Variants in MAP4 observed in about 807,000 individuals in gnomAD.
MAP4 encodes the protein microtubule associated protein 4, also known as microtubule-associated protein 4.
Under a neutral mutation model 170.2 loss-of-function variants are expected in MAP4, and 76 were observed. The ratio of observed to expected loss-of-function variants is 0.45; its 90% CI spans 0.37 to 0.54. The LOEUF is 0.54. MAP4 is among the 20% of genes least tolerant of loss of function. MAP4 has a pLI of 0.00. For synonymous variants in MAP4, 909 were observed against 994.5 expected (o/e 0.91, Z 1.62); for missense variants, 2,506 against 2,748.0 (o/e 0.91, Z 1.97).
At chr3:47,912,460 TAAAAACAACA>T (rs762770004) in intron 8 of MAP4, 39 bp from the exon 9 acceptor site, 2 of 1,436,538 alleles carry the variant, frequency 1.4e-6, no homozygotes, top group Non-Finnish European at 1.8e-6. Flanking sequence ...TATTGTTTCT[TAAAAACAACA>T]AAAAACAAAC....
At chr3:47,871,135 G>C in intron 14 of MAP4, 30 bp from the exon 15 acceptor site, 4 of 1,610,430 alleles carry the variant, frequency 2.5e-6, no homozygotes, top group Non-Finnish European at 3.4e-6. Context: ...AGATAACACG[G>C]GTTCAGGGAG....
intron 3 of MAP4, among the ~76,000 whole-genome samples, chr3:47,933,962 G>A (rs1272019970): frequency 6.6e-6 from 1 of 152,160 alleles, no homozygotes; most frequent in African/African-American, 2.4e-5. Context: ...TGAATGTGGT[G>A]AAATTGGGTT....
chr3:47,923,573 C>A (rs1431782492), intron 4 of MAP4, among the ~76,000 whole-genome samples: 1 of 149,246 alleles, frequency 6.7e-6, no homozygotes, highest in African/African-American at 2.5e-5. Context: ...CTGGGCAACA[C>A]ACCGAGACCG....
intron 1 of MAP4, among the ~76,000 whole-genome samples, chr3:48,068,098 A>G (rs1043072135): frequency 2.0e-5 from 3 of 151,762 alleles, no homozygotes; most frequent in Non-Finnish European, 4.4e-5. Context: ...AACCCCATCT[A>G]TACAAAAAAT....
At chr3:47,983,890 G>A (rs555946638) in intron 2 of MAP4, among the ~76,000 whole-genome samples, 1 of 152,246 alleles carries the variant, frequency 6.6e-6, no homozygotes, top group East Asian at 1.9e-4. Flanking sequence ...GTTGGCTATT[G>A]GGAACTCTTT....
chr3:47,886,954 T>C (rs2097694332), intron 10 of MAP4, among the ~76,000 whole-genome samples: 1 of 152,240 alleles, frequency 6.6e-6, no homozygotes, highest in Non-Finnish European at 1.5e-5. Context: ...CAAGTAAATC[T>C]TCCTAAAGCT....
In MAP4 at chr3:48,031,455, G is replaced by A. The variant is rs190822057; in HGVS notation, c.-19-32576C>T. Among the ~76,000 whole-genome samples the A allele has an allele frequency of 2.0e-3, 312 of 152,296 alleles. 1 individual carries two copies. Among genetic ancestry groups the A allele is most frequent in the African/African-American group, 7.2e-3 (301 of 41,578 alleles). ...AGTCCCACCTACTTGGGAGGCCGAG[G>A]CAGGAGAATCACTTGAACCCAGGAG... On this transcript the variant is annotated intron_variant, in intron 1 of 18. Transcript: ENST00000360240.
chr3:47,867,002 C>A (rs776744217), intron 17 of MAP4, among the ~76,000 whole-genome samples: 3 of 152,294 alleles, frequency 2.0e-5, no homozygotes, highest in Non-Finnish European at 4.4e-5. Flanking sequence ...AAATCCAAAG[C>A]CTCCCACCCA....
Position 47,914,892 on chromosome 3 carries a change from C to T in MAP4, c.1924G>A (p.Asp642Asn). ...GKKCSLPAEEDSVLEKLGERK... is the reference protein window; with the variant it reads ...GKKCSLPAEENSVLEKLGERK... Reference sequence around the variant, plus strand: ...TCCCCTAGTTTTTCTAACACAGAATCCTCCTCGGCCGGCAAGCTGCACTTT... The same window carrying T: ...TCCCCTAGTTTTTCTAACACAGAATTCTCCTCGGCCGGCAAGCTGCACTTT... The change falls in exon 8 of 21, where the codon GAT becomes AAT. Residue 642 changes from aspartate (D) to asparagine (N), a missense_variant. Coordinates refer to ENST00000683076, the MANE Select transcript of MAP4 (RefSeq NM_001385682.1). 1 of 1,614,176 alleles carries T rather than the reference C, an allele frequency of 6.2e-7. No homozygotes were observed. Among genetic ancestry groups the T allele is most frequent in the African/African-American group, 1.3e-5 (1 of 75,036 alleles).
chr3:48,055,175 A>AGTTCCGTCTCC (rs1553744146), intron 1 of MAP4, among the ~76,000 whole-genome samples: 3 of 139,052 alleles, frequency 2.2e-5, no homozygotes, highest in African/African-American at 8.5e-5. Context: ...TTCTTTAAAA[A>AGTTCCGTCTCC]GTCTCCCTCT....
chr3:47,964,654 G>A (rs2100073767), intron 3 of MAP4, among the ~76,000 whole-genome samples: 1 of 152,066 alleles, frequency 6.6e-6, no homozygotes, highest in Non-Finnish European at 1.5e-5. Flanking sequence ...AACCAATATT[G>A]TATCTGTTCT....
At chr3:47,965,943 A>G (rs992328278) in intron 3 of MAP4, among the ~76,000 whole-genome samples, 2 of 152,172 alleles carry the variant, frequency 1.3e-5, no homozygotes, top group African/African-American at 4.8e-5. Flanking sequence ...CCAAGAAAAC[A>G]CTGCCAAATC....
chr3:47,857,376 C>T (rs2058256675), intron 18 of MAP4, 55 bp downstream of exon 18: 1 of 1,462,734 alleles, frequency 6.8e-7, no homozygotes, highest in Non-Finnish European at 9.6e-7. Context: ...CCCAGCTGAC[C>T]CATGGCAGGA....
chr3:48,075,646 C>T (rs888759623), intron 1 of MAP4, among the ~76,000 whole-genome samples: 1 of 151,894 alleles, frequency 6.6e-6, no homozygotes, highest in Non-Finnish European at 1.5e-5. Flanking sequence ...GGTTCAAGGA[C>T]AACTAGATAT....
chr3:47,892,388 C>T, intron 10 of MAP4: 1 of 1,536,200 alleles, frequency 6.5e-7, no homozygotes, highest in Non-Finnish European at 8.7e-7. Flanking sequence ...TCCGGCTTGA[C>T]TGATTTCTTT....
At chr3:48,032,519 G>C (rs2154521003) in intron 1 of MAP4, among the ~76,000 whole-genome samples, 1 of 150,836 alleles carries the variant, frequency 6.6e-6, no homozygotes, top group South Asian at 2.1e-4. Context: ...AAAAAAATTA[G>C]CCAGGTGTGG....
chr3:47,959,775 AT>A (rs1382309487), intron 3 of MAP4, among the ~76,000 whole-genome samples: 2 of 151,458 alleles, frequency 1.3e-5, no homozygotes, highest in Non-Finnish European at 2.9e-5. Flanking sequence ...AAAAAAAAAA[AT>A]GTATATACAT....
chr3:47,948,100 C>T (rs1255564193), intron 3 of MAP4, among the ~76,000 whole-genome samples: 1 of 151,306 alleles, frequency 6.6e-6, no homozygotes, highest in African/African-American at 2.4e-5. Flanking sequence ...TGGGTTCAAG[C>T]GATTCTCCTG....
chr3:47,966,127 C>T (rs191001297), intron 3 of MAP4, among the ~76,000 whole-genome samples: 1 of 148,226 alleles, frequency 6.7e-6, no homozygotes, highest in African/African-American at 2.5e-5. Context: ...GTGAATGCAG[C>T]GGTGTACTTT....
Sources: gnomAD v4.1 joint callset for allele counts (sites outside exome capture counted in the v4.1 genomes callset) on GRCh38, gnomAD v4.1.1 for gene constraint, MANE v1.5 for transcripts, NCBI Gene and HGNC (gene_info 2026-07-23, HGNC 2026-07-21) for gene names.